Variants in SUGCT observed in about 807,000 individuals in gnomAD.
The protein encoded by SUGCT is succinyl-CoA:glutarate CoA-transferase.
In SUGCT, 41 loss-of-function variants were observed where a neutral mutation model predicts 55.0. That is an observed-to-expected ratio of 0.74 (90% CI 0.58 to 0.97). The LOEUF is 0.97. Among genes scored for constraint, SUGCT ranks in the 50% least tolerant of loss-of-function variants. The probability of loss-of-function intolerance (pLI) is 0.00; values close to 1 mark genes in which losing one functional copy is unlikely to be tolerated. For missense variants in SUGCT, 568 were observed against 547.8 expected, an observed-to-expected ratio of 1.04 and a Z score of -0.37; for synonymous variants, 187 against 200.4, an observed-to-expected ratio of 0.93 and a Z score of 0.56.
chr7:40,187,317 G>A (rs1785578808), intron 3 of SUGCT, among the ~76,000 whole-genome samples: 1 of 152,016 alleles, frequency 6.6e-6, no homozygotes, highest in African/African-American at 2.4e-5. Context: ...GATAGCATTA[G>A]GAGATATACC....
chr7:41,002,080 G>A, the SUGCT span, among the ~76,000 whole-genome samples: 7 of 152,154 alleles, frequency 4.6e-5, no homozygotes, highest in Non-Finnish European at 8.8e-5. Context: ...GAGTGCGGTG[G>A]TATAATCTCG....
At chr7:40,453,072 T>C (rs1789278769) in intron 10 of SUGCT, among the ~76,000 whole-genome samples, 1 of 152,138 alleles carries the variant, frequency 6.6e-6, no homozygotes, top group South Asian at 2.1e-4. Flanking sequence ...GAAATGCTCT[T>C]TATTCCCGGT....
chr7:40,939,473 T>G, the SUGCT span, among the ~76,000 whole-genome samples: 1 of 152,192 alleles, frequency 6.6e-6, no homozygotes, highest in Non-Finnish European at 1.5e-5. Context: ...CTCTTTATAC[T>G]GTTTTCCATA....
At chr7:40,194,349 T>A (rs1452294136) in intron 5 of SUGCT, among the ~76,000 whole-genome samples, 1 of 152,014 alleles carries the variant, frequency 6.6e-6, no homozygotes, top group Admixed American at 6.6e-5. Context: ...GCAGCCTCAA[T>A]TTACCGGCTC....
chr7:40,446,756 T>C (rs543417035), intron 9 of SUGCT, among the ~76,000 whole-genome samples: 1 of 152,308 alleles, frequency 6.6e-6, no homozygotes, highest in Admixed American at 6.5e-5. Context: ...TGATGAAGAC[T>C]GAAATTAAGA....
chr7:40,273,508 A>G (rs1275550760), intron 7 of SUGCT, among the ~76,000 whole-genome samples: 4 of 152,208 alleles, frequency 2.6e-5, no homozygotes, highest in African/African-American at 9.6e-5. Flanking sequence ...CTGATATATC[A>G]ATGACTAATA....
At chr7:40,287,707 C>T (rs933705203) in intron 8 of SUGCT, among the ~76,000 whole-genome samples, 1 of 152,030 alleles carries the variant, frequency 6.6e-6, no homozygotes, top group African/African-American at 2.4e-5. Flanking sequence ...GTATGTTGCC[C>T]ATGCTGGTCT....
At chr7:40,451,961 A>G (rs542290827) in intron 10 of SUGCT, among the ~76,000 whole-genome samples, 1 of 152,294 alleles carries the variant, frequency 6.6e-6, no homozygotes, top group South Asian at 2.1e-4. Context: ...CGTCAAGTAC[A>G]CTCCATCAGG....
At chr7:40,789,565 A>C (rs1790204039) in intron 13 of SUGCT, among the ~76,000 whole-genome samples, 1 of 152,112 alleles carries the variant, frequency 6.6e-6, no homozygotes, top group African/African-American at 2.4e-5. Flanking sequence ...GTTACTATGC[A>C]TAGTGCTGCA....
chr7:40,471,914 C>T (rs530938892), intron 11 of SUGCT, among the ~76,000 whole-genome samples: 2 of 152,140 alleles, frequency 1.3e-5, no homozygotes, highest in East Asian at 3.9e-4. Context: ...AAATACTTCA[C>T]AAAAACTGAA....
chr7:40,740,500 G>T (rs1411997925), intron 12 of SUGCT, among the ~76,000 whole-genome samples: 2 of 150,518 alleles, frequency 1.3e-5, no homozygotes, highest in African/African-American at 4.9e-5. Context: ...TAAGAGTGGT[G>T]GGAGCAGACA....
At chr7:40,264,402 C>T (rs936272948) in intron 7 of SUGCT, among the ~76,000 whole-genome samples, 5 of 152,072 alleles carry the variant, frequency 3.3e-5, no homozygotes, top group South Asian at 2.1e-4. Context: ...TGTATGTGAA[C>T]GTCTGTAAGC....
intron 1 of SUGCT, among the ~76,000 whole-genome samples, chr7:40,175,378 C>T (rs1179332245): frequency 6.6e-6 from 1 of 152,066 alleles, no homozygotes; most frequent in Non-Finnish European, 1.5e-5. Flanking sequence ...CACCAACATG[C>T]CCAGCTGCTT....
chr7:41,032,580 C>T, the SUGCT span, among the ~76,000 whole-genome samples: 1 of 152,100 alleles, frequency 6.6e-6, no homozygotes, highest in African/African-American at 2.4e-5. Flanking sequence ...GAGCCTTGAA[C>T]CTTAAAAATA....
intron 10 of SUGCT, among the ~76,000 whole-genome samples, chr7:40,450,540 C>T (rs958871295): frequency 2.6e-5 from 4 of 151,638 alleles, no homozygotes; most frequent in Non-Finnish European, 5.9e-5. Flanking sequence ...TTTGAGAGGC[C>T]GAGGTGGGCA....
chr7:40,196,089 C>G (rs776016850), intron 6 of SUGCT, among the ~76,000 whole-genome samples: 2 of 152,176 alleles, frequency 1.3e-5, no homozygotes, highest in Non-Finnish European at 2.9e-5. Flanking sequence ...TTCAGAAGCA[C>G]TAAGCCAAAG....
At chr7:40,315,335 A>G (rs1218164382) in intron 8 of SUGCT, among the ~76,000 whole-genome samples, 1 of 152,240 alleles carries the variant, frequency 6.6e-6, no homozygotes, top group Non-Finnish European at 1.5e-5. Flanking sequence ...TGAAAGACAC[A>G]GAAGTGATCT....
the SUGCT span, among the ~76,000 whole-genome samples, chr7:40,959,966 A>T: frequency 1.3e-5 from 2 of 151,616 alleles, no homozygotes; most frequent in African/African-American, 4.9e-5. Flanking sequence ...GTGAGGCAAC[A>T]CTCCACCCTG....
At chr7:40,683,801 G>T (rs1173909967) in intron 12 of SUGCT, among the ~76,000 whole-genome samples, 1 of 152,212 alleles carries the variant, frequency 6.6e-6, no homozygotes, top group Non-Finnish European at 1.5e-5. Flanking sequence ...GTCTATATTA[G>T]TTCTCTATTA....
Sources: gnomAD v4.1 joint callset for allele counts (sites outside exome capture counted in the v4.1 genomes callset) on GRCh38, gnomAD v4.1.1 for gene constraint, MANE v1.5 for transcripts, NCBI Gene and HGNC (gene_info 2026-07-23, HGNC 2026-07-21) for gene names.